ACO1: variants seen among roughly 807,000 people sequenced by gnomAD.
The protein encoded by ACO1 is cytoplasmic aconitate hydratase.
Under a neutral mutation model 105.1 loss-of-function variants are expected in ACO1, and 78 were observed. The observed-to-expected ratio is 0.74, with a 90% CI of 0.62 to 0.90. The LOEUF is 0.90. ACO1 is among the 40% of genes least tolerant of loss of function. The probability of loss-of-function intolerance (pLI) is 0.00; values close to 1 mark genes in which losing one functional copy is unlikely to be tolerated. For missense variants in ACO1, 965 were observed against 1,111.1 expected, an observed-to-expected ratio of 0.87 and a Z score of 1.87; for synonymous variants, 364 against 397.4, an observed-to-expected ratio of 0.92 and a Z score of 1.00.
At chr9:32,394,733 G>A (rs529352338) in intron 1 of ACO1, among the ~76,000 whole-genome samples, 3 of 152,214 alleles carry the variant, frequency 2.0e-5, no homozygotes, top group Non-Finnish European at 4.4e-5. Flanking sequence ...GGGAAGGAAT[G>A]TGCTGATCAG....
chr9:32,394,300 G>A (rs66470238), intron 1 of ACO1, among the ~76,000 whole-genome samples: 1 of 152,128 alleles, frequency 6.6e-6, no homozygotes, highest in Non-Finnish European at 1.5e-5. Flanking sequence ...TTCCCTGGTG[G>A]TTCTTTATCA....
Position 32,418,549 on chromosome 9 carries a change from A to G in ACO1, c.658+38A>G, listed in dbSNP as rs756628451. 2.6e-6 allele frequency: 4 copies of G among 1,560,054 alleles called. No homozygotes were observed. In the South Asian group the frequency reaches 4.8e-5, roughly 19 times the overall value. Reference sequence around the variant, plus strand: ...CCATATATGCTGTTTTGGGGCATGCACTTTAATTCACTGTGATTCTATTAC... The same window carrying G: ...CCATATATGCTGTTTTGGGGCATGCGCTTTAATTCACTGTGATTCTATTAC... On this transcript the variant is annotated intron_variant, in intron 6 of 20. Transcript: ENST00000309951.
chr9:32,385,906 C>T (rs1821148378), intron 1 of ACO1, among the ~76,000 whole-genome samples: 1 of 152,198 alleles, frequency 6.6e-6, no homozygotes, highest in African/African-American at 2.4e-5. Context: ...TGTTTGTGAT[C>T]CTTCCTCTGA....
intron 18 of ACO1, among the ~76,000 whole-genome samples, chr9:32,437,733 T>G (rs1276645343): frequency 6.6e-6 from 1 of 152,060 alleles, no homozygotes; most frequent in African/African-American, 2.4e-5. Flanking sequence ...AGAAAAAAAT[T>G]ATATACTTAG....
intron 18 of ACO1, among the ~76,000 whole-genome samples, chr9:32,437,893 A>T (rs1822398690): frequency 6.6e-6 from 1 of 152,168 alleles, no homozygotes; most frequent in African/African-American, 2.4e-5. Context: ...AAAATGTAAG[A>T]ACTGAACTCA....
At position 32,411,579 on chromosome 9, in the gene ACO1, G is replaced by A. The variant is rs556916007; in HGVS notation, c.404+2928G>A. 2.0e-5 allele frequency among the ~76,000 whole-genome samples: 3 copies of A among 152,214 alleles called. No homozygotes were observed. In the East Asian group the frequency reaches 5.8e-4, roughly 29 times the overall value. On this transcript the variant is annotated intron_variant, in intron 4 of 20. Transcript: ENST00000309951. ...AGGTCCCTGAAGATAAATGGGCAAA[G>A]GAAAGTGGACATTTCATAATAAAAG...
intron 1 of ACO1, among the ~76,000 whole-genome samples, chr9:32,390,867 C>G (rs1181983122): frequency 1.3e-5 from 2 of 152,072 alleles, no homozygotes; most frequent in Non-Finnish European, 2.9e-5. Context: ...ATATCTGGAG[C>G]CTGTGGGTCT....
chr9:32,429,062 A>G (rs1220843254), intron 12 of ACO1, among the ~76,000 whole-genome samples: 1 of 152,176 alleles, frequency 6.6e-6, no homozygotes, highest in Non-Finnish European at 1.5e-5. Context: ...TCCAATTTCC[A>G]TATTATTCCT....
At chr9:32,427,637 G>C (rs1472164417) in intron 12 of ACO1, among the ~76,000 whole-genome samples, 2 of 152,188 alleles carry the variant, frequency 1.3e-5, no homozygotes, top group Non-Finnish European at 2.9e-5. Flanking sequence ...ACCATGAATG[G>C]AGTTTGCAGG....
chr9:32,425,693 T>C, intron 10 of ACO1, 145 bp from the exon 11 acceptor site: 1 of 474,912 alleles, frequency 2.1e-6, no homozygotes, highest in Non-Finnish European at 3.5e-6. Context: ...TTGTTAAGAA[T>C]TGGCCTTTAA....
chr9:32,433,903 A>AC, intron 16 of ACO1, 71 bp downstream of exon 16: 2 of 1,232,376 alleles, frequency 1.6e-6, no homozygotes, highest in South Asian at 1.4e-5. Flanking sequence ...CTACTTTATT[A>AC]CCCCATGCTC....
At chr9:32,431,125 G>A (rs1822225701) in intron 14 of ACO1, among the ~76,000 whole-genome samples, 2 of 152,204 alleles carry the variant, frequency 1.3e-5, no homozygotes, top group African/African-American at 4.8e-5. Flanking sequence ...TCACTAAAAT[G>A]TATTTTAACC....
rs555165686 is a variant in ACO1 at position 32,448,925 on chromosome 9, C to A, written c.2400C>A (p.Tyr800Ter). 5 of 1,614,208 alleles carry A rather than the reference C, an allele frequency of 3.1e-6. No individual in the cohort carries two copies. Among genetic ancestry groups the A allele is most frequent in the Non-Finnish European group, 4.2e-6 (5 of 1,180,044 alleles). The change falls in exon 20 of 21, where the codon TAC (tyrosine) becomes TAA (stop). Residue 800 changes from tyrosine to a stop codon, truncating the protein, a stop_gained. Coordinates refer to ENST00000309951, the MANE Select transcript of ACO1 (RefSeq NM_002197.3). LOFTEE classifies it high-confidence loss of function. ...LGIKAVLAESYERIHRSNLVG... is the reference protein window; with the variant it reads ...LGIKAVLAES Reference sequence around the variant, plus strand: ...TCAAAGCCGTCCTGGCCGAGAGCTACGAGCGCATTCACCGCAGTAACCTGG... The same window carrying A: ...TCAAAGCCGTCCTGGCCGAGAGCTAAGAGCGCATTCACCGCAGTAACCTGG...
At position 32,433,797 on chromosome 9, in the gene ACO1, A is replaced by T; in HGVS notation, c.1921A>T (p.Thr641Ser). The change falls in exon 16 of 21, where the codon ACG becomes TCG. Residue 641 changes from threonine (T) to serine (S), a missense_variant. By Grantham distance (58) the Thr-to-Ser change is moderately conservative (BLOSUM62 1). Transcript: ENST00000309951. Reference protein sequence around the residue: ...DKLFFWNSKSTYIKSPPFFEN... With the variant: ...DKLFFWNSKSSYIKSPPFFEN... Reference sequence around the variant, plus strand: ...GCTGTTTTTCTGGAATTCCAAATCTACGTATATCAAATCACCACCATTCTT... The same window carrying T: ...GCTGTTTTTCTGGAATTCCAAATCTTCGTATATCAAATCACCACCATTCTT... 6.2e-7 allele frequency: 1 copy of T among 1,612,256 alleles called. No homozygotes were observed.
Position 32,431,649 on chromosome 9 carries a change from G to A in ACO1, c.1727-70G>A, listed in dbSNP as rs144868006. ...GAACATAACTACCGAGGAGAACGAG[G>A]CTTGACTCTGTATAATCATGAAAAT... On this transcript the variant is annotated intron_variant, in intron 14 of 20. Coordinates refer to ENST00000309951, the MANE Select transcript of ACO1 (RefSeq NM_002197.3). The A allele has an allele frequency of 7.4e-5, 115 of 1,562,296 alleles. No homozygotes were observed. The African/African-American group carries it at 1.4e-3, about 19-fold the overall frequency.
intron 1 of ACO1, among the ~76,000 whole-genome samples, chr9:32,396,444 C>T (rs967834498): frequency 4.6e-5 from 7 of 152,152 alleles, no homozygotes; most frequent in African/African-American, 1.7e-4. Context: ...GTGGTCTGGC[C>T]GCTACTACCT....
rs769108013 is a variant in ACO1 at position 32,421,068 on chromosome 9, G to T, written c.970+41G>T. 1.9e-6 allele frequency: 3 copies of T among 1,594,240 alleles called. No homozygotes were observed. In the Admixed American group the frequency reaches 5.1e-5, roughly 27 times the overall value. ...TGAAAGCATCGGGCTTTTTGTAAAA[G>T]TTCCATGAAACACCAAGAATCTGAG... On this transcript the variant is annotated intron_variant, in intron 8 of 20. Transcript: ENST00000309951.
intron 20 of ACO1, 123 bp downstream of exon 20, chr9:32,449,204 T>A: frequency 1.1e-6 from 1 of 909,916 alleles, no homozygotes; most frequent in Non-Finnish European, 1.6e-6. Context: ...AGGACTGCAT[T>A]AGACTTAGGA....
intron 4 of ACO1, among the ~76,000 whole-genome samples, chr9:32,416,770 C>A (rs1391013374): frequency 6.6e-6 from 1 of 152,164 alleles, no homozygotes; most frequent in Non-Finnish European, 1.5e-5. Context: ...GTAGAAACCC[C>A]CAGGGCCAGT....
Sources: gnomAD v4.1 joint callset for allele counts (sites outside exome capture counted in the v4.1 genomes callset) on GRCh38, gnomAD v4.1.1 for gene constraint, MANE v1.5 for transcripts, NCBI Gene and HGNC (gene_info 2026-07-23, HGNC 2026-07-21) for gene names.